The following RC3H1 variants were observed in gnomAD, a reference collection of about 807,000 sequenced individuals.
The protein encoded by RC3H1 is ring finger and CCCH-type domains 1.
RC3H1 carries 50 observed loss-of-function variants against 138.2 expected under a neutral mutation model. That is an observed-to-expected ratio of 0.36 (90% CI 0.29 to 0.46). The LOEUF (loss-of-function observed/expected upper bound fraction) is 0.46, where lower values mean the gene tolerates loss of function less well. Among genes scored for constraint, RC3H1 ranks in the 20% least tolerant of loss-of-function variants. The pLI is 1.00. For missense variants in RC3H1, 1,031 were observed against 1,388.1 expected (o/e 0.74, Z 4.09); for synonymous variants, 462 against 489.1 (o/e 0.94, Z 0.73).
rs1572104837 is a variant in RC3H1 at position 173,936,773 on chromosome 1, T to C, written c.*1948A>G. ...TATATATATATATATTTTTTTTTTT[T>C]TTTTTAAAAAAAGAAGACAAATGTA... is the stretch of plus-strand genomic sequence containing the variant. On this transcript the variant is annotated 3_prime_UTR_variant, in exon 20 of 20. Transcript: ENST00000367696. 1 of 122,594 alleles carries C rather than the reference T, an allele frequency of 8.2e-6. No individual in the cohort carries two copies. The highest frequency in any genetic ancestry group is 2.3e-4 in the East Asian group (1 of 4,380). The allele number at this position is 122,594 out of a possible 1,614,324, so 7.6% of individuals were successfully genotyped here.
intron 7 of RC3H1, among the ~76,000 whole-genome samples, chr1:173,978,053 G>A (rs13375205): frequency 0.14 from 21,670 of 152,062 alleles, 1,722 homozygotes; most frequent in East Asian, 0.22. Context: ...AGCAGAAAAA[G>A]CCTAAGTAAA....
In RC3H1 at chr1:173,951,117, G is replaced by C. The variant is rs906778425; in HGVS notation, c.2523+869C>G. Among the ~76,000 whole-genome samples, 37 of 152,230 alleles carry C rather than the reference G, an allele frequency of 2.4e-4. 1 individual carries two copies. Among genetic ancestry groups the C allele is most frequent in the African/African-American group, 7.9e-4 (33 of 41,538 alleles). ...AGGCGGGTGGATCACTTGAGGTCGG[G>C]AGTTCAAGACCAGCCTGACCAACAT... On this transcript the variant is annotated intron_variant, in intron 14 of 19. Transcript: ENST00000367696.
chr1:174,003,604 C>G (rs1039796365), intron 1 of RC3H1, among the ~76,000 whole-genome samples: 3 of 152,072 alleles, frequency 2.0e-5, no homozygotes, highest in African/African-American at 7.2e-5. Flanking sequence ...ACAAACATCC[C>G]TAATACAGCA....
At chr1:173,984,215 A>G (rs1161125123) in intron 3 of RC3H1, among the ~76,000 whole-genome samples, 3 of 152,216 alleles carry the variant, frequency 2.0e-5, no homozygotes, top group African/African-American at 4.8e-5. Flanking sequence ...CCATCATCAC[A>G]TAAACTAAAA....
intron 1 of RC3H1, among the ~76,000 whole-genome samples, chr1:174,017,390 G>C (rs1661879733): frequency 1.3e-5 from 2 of 152,126 alleles, no homozygotes; most frequent in Admixed American, 1.3e-4. Context: ...AGAGTCCCTG[G>C]CAGCATGTCT....
chr1:173,972,432 A>G (rs1660397859), intron 8 of RC3H1, 77 bp downstream of exon 8: 1 of 932,842 alleles, frequency 1.1e-6, no homozygotes, highest in Admixed American at 1.8e-5. Flanking sequence ...ATCTGTAGGT[A>G]TACCCACAGT....
At chr1:173,998,134 A>C (rs1490331441) in intron 1 of RC3H1, among the ~76,000 whole-genome samples, 2 of 152,124 alleles carry the variant, frequency 1.3e-5, no homozygotes, top group East Asian at 3.8e-4. Flanking sequence ...GTATGTCAGC[A>C]AACTAAAAAA....
At chr1:173,947,268 T>G in intron 15 of RC3H1, 101 bp downstream of exon 15, 1 of 799,646 alleles carries the variant, frequency 1.3e-6, no homozygotes, top group Non-Finnish European at 2.1e-6. Flanking sequence ...ATTACTGCCT[T>G]GCAAGATTAC....
intron 2 of RC3H1, among the ~76,000 whole-genome samples, chr1:173,989,695 T>G (rs547079474): frequency 4.7e-5 from 7 of 150,028 alleles, no homozygotes; most frequent in Non-Finnish European, 8.9e-5. Flanking sequence ...GTTAATAGAG[T>G]AAATGTTTAT....
intron 13 of RC3H1, among the ~76,000 whole-genome samples, chr1:173,959,976 T>C (rs1659798222): frequency 2.0e-5 from 3 of 151,222 alleles, no homozygotes; most frequent in Admixed American, 6.6e-5. Flanking sequence ...GGCGTGGTGG[T>C]GCGTGCCTGT....
chr1:173,990,574 AT>A (rs1215049942), intron 2 of RC3H1, among the ~76,000 whole-genome samples: 2 of 140,462 alleles, frequency 1.4e-5, no homozygotes, highest in East Asian at 2.3e-4. Flanking sequence ...TATTATTATT[AT>A]TTATTTTTTT....
At chr1:173,947,763 G>A (rs531419096) in intron 14 of RC3H1, among the ~76,000 whole-genome samples, 181 bp from the exon 15 acceptor site, 5 of 152,162 alleles carry the variant, frequency 3.3e-5, no homozygotes, top group East Asian at 1.9e-4. Context: ...GGTGAGGGGC[G>A]ACAGGGTCTC....
chr1:173,956,152 AAAAAG>A (rs1390031878), intron 13 of RC3H1, among the ~76,000 whole-genome samples: 1 of 151,584 alleles, frequency 6.6e-6, no homozygotes, highest in African/African-American at 2.4e-5. Context: ...AAAAGAAAAA[AAAAAG>A]AAAAGAAAAT....
chr1:174,013,428 GAAT>G (rs1174672616), intron 1 of RC3H1, among the ~76,000 whole-genome samples: 1 of 151,448 alleles, frequency 6.6e-6, no homozygotes, highest in Admixed American at 6.6e-5. Context: ...CCATACAATG[GAAT>G]ATTATTATTA....
chr1:174,015,351 A>G (rs540148717), intron 1 of RC3H1, among the ~76,000 whole-genome samples: 19 of 151,014 alleles, frequency 1.3e-4, no homozygotes, highest in African/African-American at 4.4e-4. Flanking sequence ...TGTTTCATTC[A>G]AAAGTTTTCC....
At chr1:173,950,218 G>A (rs544374435) in intron 14 of RC3H1, among the ~76,000 whole-genome samples, 23 of 151,988 alleles carry the variant, frequency 1.5e-4, no homozygotes, top group Non-Finnish European at 2.9e-4. Flanking sequence ...ACATGAAAAT[G>A]CAAGCTGAAG....
chr1:173,984,430 A>G (rs1232728661), intron 3 of RC3H1, 69 bp downstream of exon 3: 20 of 1,454,480 alleles, frequency 1.4e-5, no homozygotes, highest in Non-Finnish European at 1.8e-5. Context: ...CAGGACTTAT[A>G]TAGGATTATG....
At chr1:173,944,804 T>C (rs1012464985) in intron 17 of RC3H1, among the ~76,000 whole-genome samples, 2 of 152,298 alleles carry the variant, frequency 1.3e-5, no homozygotes, top group Admixed American at 6.5e-5. Context: ...CTAAATCTAA[T>C]TGCGTACATA....
intron 7 of RC3H1, among the ~76,000 whole-genome samples, chr1:173,978,016 G>A (rs1660657026): frequency 6.6e-6 from 1 of 152,084 alleles, no homozygotes; most frequent in Non-Finnish European, 1.5e-5. Flanking sequence ...AATGAAGGTT[G>A]GGTATATTTT....
Sources: gnomAD v4.1 joint callset for allele counts (sites outside exome capture counted in the v4.1 genomes callset) on GRCh38, gnomAD v4.1.1 for gene constraint, MANE v1.5 for transcripts, NCBI Gene and HGNC (gene_info 2026-07-23, HGNC 2026-07-21) for gene names.